MKLN1: variants seen among roughly 807,000 people sequenced by gnomAD.
MKLN1 encodes the protein muskelin 1.
Under a neutral mutation model 99.0 loss-of-function variants are expected in MKLN1, and 18 were observed. That is an observed-to-expected ratio of 0.18 (90% confidence interval 0.13 to 0.27). The LOEUF is 0.27. MKLN1 is among the 10% of genes least tolerant of loss of function. The pLI, the probability that MKLN1 is intolerant of heterozygous loss-of-function variation, is 1.00. For synonymous variants in MKLN1, 288 were observed against 293.2 expected (o/e 0.98, Z 0.18); for missense variants, 621 against 875.9 (o/e 0.71, Z 3.67).
chr7:131,174,194 G>C (rs1293730817), intron 2 of MKLN1, among the ~76,000 whole-genome samples: 1 of 151,968 alleles, frequency 6.6e-6, no homozygotes, highest in East Asian at 1.9e-4. Context: ...AGATGGTCTC[G>C]ATCTCCTGAC....
intron 3 of MKLN1, among the ~76,000 whole-genome samples, chr7:131,203,765 ACT>A (rs1796764621): frequency 6.6e-6 from 1 of 151,440 alleles, no homozygotes; most frequent in Non-Finnish European, 1.5e-5. Context: ...AGCCTTTCCC[ACT>A]CTCTCTGTCT....
intron 3 of MKLN1, among the ~76,000 whole-genome samples, chr7:131,250,522 T>C (rs1372624851): frequency 6.6e-6 from 1 of 152,060 alleles, no homozygotes; most frequent in Non-Finnish European, 1.5e-5. Flanking sequence ...TGACAAGCTG[T>C]TTCCATGGAG....
chr7:131,217,783 A>G (rs1460154302), intron 3 of MKLN1, among the ~76,000 whole-genome samples: 1 of 152,250 alleles, frequency 6.6e-6, no homozygotes, highest in Admixed American at 6.5e-5. Flanking sequence ...CTGTGTTCAT[A>G]GCAGCATTAT....
chr7:131,460,887 A>G (rs570318639), intron 12 of MKLN1, among the ~76,000 whole-genome samples: 1 of 152,352 alleles, frequency 6.6e-6, no homozygotes, highest in East Asian at 1.9e-4. Flanking sequence ...CTTCACTTCT[A>G]CCACTTACGA....
chr7:131,186,204 C>A (rs138184280), intron 2 of MKLN1, among the ~76,000 whole-genome samples: 4 of 151,568 alleles, frequency 2.6e-5, no homozygotes, highest in African/African-American at 9.7e-5. Flanking sequence ...AACAAACAAA[C>A]AAACAGCCTC....
At chr7:131,437,694 A>C in intron 9 of MKLN1, 91 bp from the exon 10 acceptor site, 6 of 1,007,282 alleles carry the variant, frequency 6.0e-6, no homozygotes, top group Non-Finnish European at 8.8e-6. Flanking sequence ...AAAGGTAATA[A>C]AAAATGACGT....
chr7:131,436,529 G>C (rs140907197), intron 9 of MKLN1, among the ~76,000 whole-genome samples: 2 of 152,256 alleles, frequency 1.3e-5, no homozygotes, highest in East Asian at 3.9e-4. Flanking sequence ...TTTTGGCTCT[G>C]GTACACAAGG....
intron 1 of MKLN1, among the ~76,000 whole-genome samples, chr7:131,374,688 A>G (rs1273995712): frequency 1.3e-5 from 2 of 152,138 alleles, no homozygotes; most frequent in African/African-American, 2.4e-5. Context: ...GCGGTCTTCT[A>G]AAGTTACTTA....
At chr7:131,154,593 CA>C (rs1230218896) in intron 2 of MKLN1, among the ~76,000 whole-genome samples, 152 of 152,206 alleles carry the variant, frequency 1.0e-3, no homozygotes, top group African/African-American at 3.5e-3. Context: ...AACCTAGACA[CA>C]ATGACTAAGC....
At chr7:131,361,766 C>G (rs965411166) in intron 1 of MKLN1, among the ~76,000 whole-genome samples, 16 of 151,956 alleles carry the variant, frequency 1.1e-4, no homozygotes, top group African/African-American at 3.6e-4. Flanking sequence ...TAAGTATATT[C>G]CAAATTCCAC....
intron 2 of MKLN1, among the ~76,000 whole-genome samples, chr7:131,376,983 T>C (rs1793684680): frequency 6.6e-6 from 1 of 152,208 alleles, no homozygotes; most frequent in African/African-American, 2.4e-5. Context: ...TTTATTAATA[T>C]CGTTATATGT....
chr7:131,210,761 G>GGGGGAGGGGA (rs1796892431), intron 3 of MKLN1, among the ~76,000 whole-genome samples: 1 of 13,598 alleles, frequency 7.4e-5, no homozygotes, highest in Non-Finnish European at 1.7e-4. Context: ...AGGGAGGGGA[G>GGGGGAGGGGA]GGGGGAGGGG....
At chr7:131,148,967 T>G (rs1795852086) in intron 2 of MKLN1, among the ~76,000 whole-genome samples, 1 of 152,220 alleles carries the variant, frequency 6.6e-6, no homozygotes, top group African/African-American at 2.4e-5. Context: ...TATTGTGTCT[T>G]TAAAATGGCC....
At chr7:131,187,548 A>G (rs1389948095) in intron 2 of MKLN1, among the ~76,000 whole-genome samples, 3 of 152,224 alleles carry the variant, frequency 2.0e-5, no homozygotes, top group Non-Finnish European at 2.9e-5. Context: ...CTTTAGTGCT[A>G]TAACAGCAGA....
intron 17 of MKLN1, among the ~76,000 whole-genome samples, chr7:131,485,184 G>A (rs1385170740): frequency 6.6e-6 from 1 of 152,070 alleles, no homozygotes; most frequent in Non-Finnish European, 1.5e-5. Context: ...AAAAGACACA[G>A]AAGCCAGCTC....
chr7:131,279,436 A>C (rs1798019545), intron 3 of MKLN1, among the ~76,000 whole-genome samples: 1 of 152,214 alleles, frequency 6.6e-6, no homozygotes, highest in Admixed American at 6.5e-5. Context: ...AGAATTCAAA[A>C]CTGGGTCATA....
intron 2 of MKLN1, among the ~76,000 whole-genome samples, chr7:131,181,132 G>A (rs1463315207): frequency 6.6e-6 from 1 of 152,180 alleles, no homozygotes; most frequent in Non-Finnish European, 1.5e-5. Context: ...AGGGAGCAGA[G>A]CATGGTGTCA....
intron 3 of MKLN1, among the ~76,000 whole-genome samples, chr7:131,286,967 G>C (rs150024053): frequency 6.6e-6 from 1 of 152,192 alleles, no homozygotes; most frequent in Non-Finnish European, 1.5e-5. Flanking sequence ...GCTGGAAGTA[G>C]TGGTGCACAC....
chr7:131,205,935 C>T (rs1369629124), intron 3 of MKLN1, among the ~76,000 whole-genome samples: 6 of 151,474 alleles, frequency 4.0e-5, no homozygotes, highest in Non-Finnish European at 8.8e-5. Flanking sequence ...GCTCTGTCAC[C>T]CAGGCTGGAG....
Sources: allele counts gnomAD v4.1 joint callset (sites outside exome capture counted in the v4.1 genomes callset), GRCh38; gene constraint gnomAD v4.1.1; transcripts MANE v1.5; gene names NCBI Gene and HGNC (gene_info 2026-07-23, HGNC 2026-07-21).